The following SLC14A2 variants were observed in gnomAD, a reference collection of about 807,000 sequenced individuals.
SLC14A2 encodes solute carrier family 14 member 2, also known as urea transporter 2.
In SLC14A2, 91 loss-of-function variants were observed where a neutral mutation model predicts 104.6. The ratio of observed to expected loss-of-function variants is 0.87; its 90% CI spans 0.73 to 1.04. SLC14A2 has a LOEUF of 1.04. Ranked by LOEUF, SLC14A2 falls within the 50% of genes least tolerant of loss-of-function variation. SLC14A2 has a pLI of 0.00. For missense variants in SLC14A2, 1,189 were observed against 1,156.0 expected, an observed-to-expected ratio of 1.03 and a Z score of -0.41; for synonymous variants, 476 against 466.4, an observed-to-expected ratio of 1.02 and a Z score of -0.27.
chr18:45,321,191 G>T (rs561610019), intron 1 of SLC14A2, among the ~76,000 whole-genome samples: 46 of 152,170 alleles, frequency 3.0e-4, no homozygotes, highest in Non-Finnish European at 5.9e-4. Context: ...AAGATCTGTT[G>T]ACTTGGAATA....
chr18:45,363,886 A>G (rs2085640242), intron 1 of SLC14A2, among the ~76,000 whole-genome samples: 1 of 152,056 alleles, frequency 6.6e-6, no homozygotes, highest in South Asian at 2.1e-4. Context: ...ATGAGAGGTG[A>G]GGCTCGGAGG....
chr18:45,381,726 G>C (rs546261174), intron 1 of SLC14A2, among the ~76,000 whole-genome samples: 1 of 152,216 alleles, frequency 6.6e-6, no homozygotes, highest in East Asian at 1.9e-4. Flanking sequence ...CTTCAACTCC[G>C]GGGGTTGGGG....
rs560825657 is a variant in SLC14A2, at chr18:45,276,284, T to C, written c.-125+63093T>C. ...CTCATGTGTGAATCAGATGCTATGCTAATAGGGACCCAATAGAAATACAGA... is the reference window on the plus strand; with the variant it reads ...CTCATGTGTGAATCAGATGCTATGCCAATAGGGACCCAATAGAAATACAGA... On this transcript the variant is annotated intron_variant, in intron 1 of 20. Transcript: ENST00000586448. Among the ~76,000 whole-genome samples the C allele has an allele frequency of 5.3e-5, 8 of 152,358 alleles. No homozygotes were observed. In the South Asian group the frequency reaches 1.2e-3, roughly 24 times the overall value.
intron 2 of SLC14A2, among the ~76,000 whole-genome samples, chr18:45,508,277 T>C (rs755247049): frequency 2.0e-5 from 3 of 152,228 alleles, no homozygotes; most frequent in Non-Finnish European, 2.9e-5. Flanking sequence ...ACGGTTTGAT[T>C]GTATCCCCAT....
chr18:45,252,646 T>C (rs1304501869), intron 1 of SLC14A2, among the ~76,000 whole-genome samples: 1 of 152,196 alleles, frequency 6.6e-6, no homozygotes, highest in African/African-American at 2.4e-5. Flanking sequence ...GACTCACATT[T>C]GAAACCCTCA....
intron 1 of SLC14A2, among the ~76,000 whole-genome samples, chr18:45,261,234 A>T (rs1003750592): frequency 2.0e-5 from 3 of 151,532 alleles, no homozygotes; most frequent in Non-Finnish European, 2.9e-5. Flanking sequence ...TCATTGTTCA[A>T]TTCCCATCTA....
chr18:45,626,840 T>C, intron 3 of SLC14A2, 118 bp from the exon 4 acceptor site: 2 of 377,134 alleles, frequency 5.3e-6, no homozygotes, highest in Non-Finnish European at 9.9e-6. Flanking sequence ...CTGGCCTGGC[T>C]GAATGGGAAG....
intron 2 of SLC14A2, among the ~76,000 whole-genome samples, chr18:45,489,322 C>G (rs938543681): frequency 3.3e-5 from 5 of 152,078 alleles, no homozygotes; most frequent in Non-Finnish European, 5.9e-5. Flanking sequence ...ACCAGCCTGG[C>G]CAACATAGGG....
intron 1 of SLC14A2, among the ~76,000 whole-genome samples, chr18:45,284,890 G>A (rs2084797941): frequency 6.6e-6 from 1 of 152,176 alleles, no homozygotes; most frequent in East Asian, 1.9e-4. Flanking sequence ...AGAAGAGGAG[G>A]CTAGCCCAGG....
intron 1 of SLC14A2, among the ~76,000 whole-genome samples, chr18:45,281,470 C>T (rs1187930781): frequency 6.6e-6 from 1 of 152,098 alleles, no homozygotes; most frequent in Non-Finnish European, 1.5e-5. Context: ...TTTCAAAGGC[C>T]ATTTGGATTA....
At chr18:45,569,846 AC>A (rs940290528) in intron 2 of SLC14A2, among the ~76,000 whole-genome samples, 159 of 152,230 alleles carry the variant, frequency 1.0e-3, no homozygotes, top group African/African-American at 3.6e-3. Context: ...CAGCTGTGTG[AC>A]CTTGGGCTAG....
At chr18:45,381,729 G>A (rs1272143564) in intron 1 of SLC14A2, among the ~76,000 whole-genome samples, 4 of 152,136 alleles carry the variant, frequency 2.6e-5, no homozygotes, top group African/African-American at 9.7e-5. Flanking sequence ...CAACTCCGGG[G>A]GTTGGGGGGC....
intron 1 of SLC14A2, among the ~76,000 whole-genome samples, chr18:45,304,619 A>T (rs1398411567): frequency 1.3e-5 from 2 of 152,220 alleles, no homozygotes; most frequent in Admixed American, 6.5e-5. Flanking sequence ...TGGTCTGTGT[A>T]TTGGGAAGGG....
chr18:45,229,446 C>T (rs1599591821), intron 1 of SLC14A2, among the ~76,000 whole-genome samples: 1 of 151,638 alleles, frequency 6.6e-6, no homozygotes, highest in African/African-American at 2.4e-5. Context: ...AAAAAAAGCC[C>T]TCTCCCACTG....
intron 2 of SLC14A2, chr18:45,529,590 CCA>C (rs1357159779): frequency 6.6e-6 from 1 of 152,110 alleles, no homozygotes; most frequent in African/African-American, 2.4e-5. Flanking sequence ...ATTTCAATCC[CCA>C]GTTTTTTCCA....
intron 2 of SLC14A2, among the ~76,000 whole-genome samples, chr18:45,485,706 C>T (rs1292584800): frequency 1.3e-5 from 2 of 152,078 alleles, no homozygotes; most frequent in Non-Finnish European, 2.9e-5. Context: ...TGGTCTTTTC[C>T]TAGCTAACTT....
intron 1 of SLC14A2, among the ~76,000 whole-genome samples, chr18:45,255,502 C>A (rs1599617659): frequency 1.3e-5 from 2 of 152,300 alleles, no homozygotes; most frequent in Non-Finnish European, 2.9e-5. Flanking sequence ...GAATCACAGA[C>A]AAATAGTCAA....
chr18:45,591,664 G>A (rs1468170201), intron 2 of SLC14A2, among the ~76,000 whole-genome samples: 1 of 152,158 alleles, frequency 6.6e-6, no homozygotes, highest in East Asian at 1.9e-4. Context: ...CAAGCACCCA[G>A]TGCTGCTGCT....
At chr18:45,656,382 G>C (rs2045837261) in intron 10 of SLC14A2, among the ~76,000 whole-genome samples, 1 of 152,216 alleles carries the variant, frequency 6.6e-6, no homozygotes, top group South Asian at 2.1e-4. Flanking sequence ...AAAGGGTGAA[G>C]CTTGATGAAG....
Sources: gnomAD v4.1 joint callset for allele counts (sites outside exome capture counted in the v4.1 genomes callset) on GRCh38, gnomAD v4.1.1 for gene constraint, MANE v1.5 for transcripts, NCBI Gene and HGNC (gene_info 2026-07-23, HGNC 2026-07-21) for gene names.